OR2L13: variants seen among roughly 807,000 people sequenced by gnomAD.
OR2L13 encodes olfactory receptor 2L13.
In OR2L13, 14 loss-of-function variants were observed where a neutral mutation model predicts 15.3. The observed-to-expected ratio is 0.91, with a 90% CI of 0.60 to 1.43. The LOEUF is 1.43. Among genes scored for constraint, OR2L13 ranks in the 40% most tolerant of loss-of-function variants. The pLI is 0.00. For synonymous variants in OR2L13, 152 were observed against 142.9 expected (o/e 1.06, Z -0.45); for missense variants, 367 against 387.9 (o/e 0.95, Z 0.45).
chr1:248,010,209 A>G, the OR2L13 span, among the ~76,000 whole-genome samples: 1 of 152,178 alleles, frequency 6.6e-6, no homozygotes, highest in Non-Finnish European at 1.5e-5. Flanking sequence ...TCAAATAGGA[A>G]GAGAGGAAGT....
At chr1:248,058,361 T>C in the OR2L13 span, among the ~76,000 whole-genome samples, 1 of 152,284 alleles carries the variant, frequency 6.6e-6, no homozygotes, top group East Asian at 1.9e-4. Context: ...CCCCCATGGA[T>C]AGTAACTGCT....
chr1:248,010,648 C>T, the OR2L13 span, among the ~76,000 whole-genome samples: 4 of 150,652 alleles, frequency 2.7e-5, no homozygotes, highest in Admixed American at 2.7e-4. Context: ...GTTAGCTCTT[C>T]TTGTTGTATT....
chr1:247,986,959 T>C, the OR2L13 span, among the ~76,000 whole-genome samples: 6 of 152,232 alleles, frequency 3.9e-5, no homozygotes, highest in Admixed American at 1.3e-4. Context: ...TTTATTTGTG[T>C]CTTCTTTAAT....
the OR2L13 span, among the ~76,000 whole-genome samples, chr1:247,977,070 C>T: frequency 6.6e-6 from 1 of 152,178 alleles, no homozygotes; most frequent in African/African-American, 2.4e-5. Flanking sequence ...CATGTGTCAT[C>T]ACAATGTATT....
At chr1:247,998,084 T>A in the OR2L13 span, among the ~76,000 whole-genome samples, 4 of 152,164 alleles carry the variant, frequency 2.6e-5, no homozygotes, top group African/African-American at 9.6e-5. Flanking sequence ...ATAATAAAGG[T>A]ACTACTTATA....
the OR2L13 span, among the ~76,000 whole-genome samples, chr1:247,994,897 C>T: frequency 4.9e-5 from 7 of 142,294 alleles, no homozygotes; most frequent in African/African-American, 2.2e-4. Flanking sequence ...AAAATCAACA[C>T]TCAATCAGAC....
chr1:248,039,323 A>T, the OR2L13 span: 1 of 782,274 alleles, frequency 1.3e-6, no homozygotes, highest in Non-Finnish European at 1.8e-6. Context: ...ATCTAGAAGA[A>T]ATTTGTCTTT....
At chr1:248,073,810 A>C in the OR2L13 span, among the ~76,000 whole-genome samples, 1 of 151,934 alleles carries the variant, frequency 6.6e-6, no homozygotes, top group Non-Finnish European at 1.5e-5. Context: ...TTTGACTAAA[A>C]CATTATACAC....
the OR2L13 span, among the ~76,000 whole-genome samples, chr1:247,950,336 A>G: frequency 6.6e-6 from 1 of 152,158 alleles, no homozygotes; most frequent in Non-Finnish European, 1.5e-5. Context: ...AAGTCCTGAT[A>G]CCACTCTGGA....
chr1:248,058,475 A>G, the OR2L13 span, among the ~76,000 whole-genome samples: 1 of 152,072 alleles, frequency 6.6e-6, no homozygotes, highest in African/African-American at 2.4e-5. Context: ...ACATCATTTC[A>G]TCTTATGGAA....
chr1:247,988,952 T>C, the OR2L13 span, among the ~76,000 whole-genome samples: 1 of 152,128 alleles, frequency 6.6e-6, no homozygotes, highest in African/African-American at 2.4e-5. Flanking sequence ...ACTTGAAGGA[T>C]CCACAAAGTC....
At chr1:248,046,475 A>G in the OR2L13 span, among the ~76,000 whole-genome samples, 338 of 152,312 alleles carry the variant, frequency 2.2e-3, no homozygotes, top group South Asian at 3.1e-3. Flanking sequence ...GTTTAGAAAC[A>G]CAATAACATT....
the OR2L13 span, among the ~76,000 whole-genome samples, chr1:248,004,232 A>G: frequency 2.0e-5 from 3 of 152,370 alleles, no homozygotes; most frequent in Admixed American, 6.5e-5. Context: ...AAAGATGTAT[A>G]TAATTCTAAA....
the OR2L13 span, chr1:248,003,559 G>A: frequency 1.2e-6 from 2 of 1,612,584 alleles, no homozygotes; most frequent in Non-Finnish European, 1.7e-6. Context: ...GTGTGCTGAT[G>A]ATAACAGGAT....
At chr1:248,010,763 GTTTTTTTTTTT>G in the OR2L13 span, among the ~76,000 whole-genome samples, 9 of 44,462 alleles carry the variant, frequency 2.0e-4, no homozygotes, top group African/African-American at 7.9e-4. Context: ...CTTTGTTGTT[GTTTTTTTTTTT>G]TTTTTTTTTT....
chr1:248,021,321 A>G, the OR2L13 span, among the ~76,000 whole-genome samples: 1 of 152,220 alleles, frequency 6.6e-6, no homozygotes, highest in Non-Finnish European at 1.5e-5. Flanking sequence ...TAGTCATCTA[A>G]GAGTTATAAA....
At chr1:247,950,507 T>C in the OR2L13 span, among the ~76,000 whole-genome samples, 3 of 152,212 alleles carry the variant, frequency 2.0e-5, no homozygotes. Context: ...GATTTTGGTA[T>C]AGTGTAAGAA....
At chr1:248,002,705 G>A in the OR2L13 span, among the ~76,000 whole-genome samples, 21,202 of 151,434 alleles carry the variant, frequency 0.14, 2,606 homozygotes, top group African/African-American at 0.34. Flanking sequence ...AAAAATACAA[G>A]AATTTAGCCA....
the OR2L13 span, among the ~76,000 whole-genome samples, chr1:248,044,831 A>AC: frequency 1.1e-4 from 9 of 83,558 alleles, no homozygotes; most frequent in African/African-American, 2.3e-4. Flanking sequence ...AAAAAAAAAA[A>AC]AAAAAAAACG....
Sources: gnomAD v4.1 joint callset for allele counts (sites outside exome capture counted in the v4.1 genomes callset) on GRCh38, gnomAD v4.1.1 for gene constraint, MANE v1.5 for transcripts, NCBI Gene and HGNC (gene_info 2026-07-23, HGNC 2026-07-21) for gene names.